Variants in NINL observed in about 807,000 individuals in gnomAD.
The protein encoded by NINL is ninein-like protein.
In NINL, 153 loss-of-function variants were observed where a neutral mutation model predicts 160.3. That is an observed-to-expected ratio of 0.95 (90% CI 0.84 to 1.09). The LOEUF (loss-of-function observed/expected upper bound fraction) is 1.09. Ranked by LOEUF, NINL falls within the 50% of genes least tolerant of loss-of-function variation. The pLI, the probability that NINL is intolerant of heterozygous loss-of-function variation, is 0.00. For synonymous variants in NINL, 800 were observed against 734.8 expected (o/e 1.09, Z -1.43); for missense variants, 1,829 against 1,764.0 (o/e 1.04, Z -0.66).
intron 1 of NINL, among the ~76,000 whole-genome samples, chr20:25,573,916 A>G (rs1463568784): frequency 6.6e-6 from 1 of 152,188 alleles, no homozygotes; most frequent in Non-Finnish European, 1.5e-5. Flanking sequence ...AGCCTGTTCC[A>G]TACAGCACAC....
intron 1 of NINL, among the ~76,000 whole-genome samples, chr20:25,535,071 A>T (rs1411654067): frequency 6.6e-6 from 1 of 152,228 alleles, no homozygotes; most frequent in Non-Finnish European, 1.5e-5. Flanking sequence ...GTACAATGAA[A>T]TATTATTACA....
intron 23 of NINL, among the ~76,000 whole-genome samples, chr20:25,454,779 C>T (rs1246818502): frequency 6.6e-6 from 1 of 152,170 alleles, no homozygotes. Context: ...CACGTCAGTT[C>T]CCACCTGCTG....
chr20:25,565,065 T>C (rs2064985411), intron 1 of NINL, among the ~76,000 whole-genome samples: 2 of 152,170 alleles, frequency 1.3e-5, no homozygotes, highest in African/African-American at 4.8e-5. Flanking sequence ...TGACATACTT[T>C]CATAAGTTTT....
At chr20:25,585,097 C>T (rs1211820974) in intron 1 of NINL, among the ~76,000 whole-genome samples, 2 of 152,136 alleles carry the variant, frequency 1.3e-5, no homozygotes, top group Non-Finnish European at 2.9e-5. Context: ...CTCATTACCA[C>T]GGGGGGCCCC....
At chr20:25,560,997 C>T (rs2064927215) in intron 1 of NINL, among the ~76,000 whole-genome samples, 1 of 151,436 alleles carries the variant, frequency 6.6e-6, no homozygotes, top group Non-Finnish European at 1.5e-5. Context: ...CCTCCTCTCC[C>T]TCTCCCTCTC....
chr20:25,507,363 C>T (rs1336279049), intron 5 of NINL, among the ~76,000 whole-genome samples: 2 of 152,106 alleles, frequency 1.3e-5, no homozygotes, highest in Non-Finnish European at 2.9e-5. Context: ...TTTTCCTAAC[C>T]TTTGTCTTCA....
Position 25,496,755 on chromosome 20 carries a change from G to A in NINL, c.1218C>T (p.Asp406=), listed in dbSNP as rs1394189133. The change falls in exon 10 of 24, where the codon GAC becomes GAT. Residue 406 remains aspartate, a synonymous_variant. Transcript: ENST00000278886. The part of the protein sequence containing the change: ...LARERDKARQ[D]LERAEKRNLE... ...GGTTCCTCTTCTCGGCCCTCTCCAGGTCCTGCCTTGCCTTGTCACGCTCCC... is the reference window on the plus strand; with the variant it reads ...GGTTCCTCTTCTCGGCCCTCTCCAGATCCTGCCTTGCCTTGTCACGCTCCC... 12 of 1,613,830 alleles carry A rather than the reference G, an allele frequency of 7.4e-6. No homozygotes were observed. The highest frequency in any genetic ancestry group is 1.3e-5 in the African/African-American group (1 of 74,872).
At chr20:25,528,948 C>T (rs1415259990) in intron 1 of NINL, among the ~76,000 whole-genome samples, 1 of 152,216 alleles carries the variant, frequency 6.6e-6, no homozygotes, top group East Asian at 1.9e-4. Context: ...ATAGATGTCG[C>T]TTTAATGTGG....
intron 1 of NINL, among the ~76,000 whole-genome samples, chr20:25,532,544 C>T (rs2064483670): frequency 6.6e-6 from 1 of 152,228 alleles, no homozygotes; most frequent in African/African-American, 2.4e-5. Flanking sequence ...CCCACCACTT[C>T]TCAAGGCTGC....
chr20:25,540,306 A>T (rs1020125382), intron 1 of NINL, among the ~76,000 whole-genome samples: 9 of 152,222 alleles, frequency 5.9e-5, no homozygotes, highest in Non-Finnish European at 8.8e-5. Flanking sequence ...AGTGAAAGAA[A>T]ATCCTGTTTT....
chr20:25,454,866 A>C (rs1186745127), intron 23 of NINL, among the ~76,000 whole-genome samples: 1 of 152,144 alleles, frequency 6.6e-6, no homozygotes, highest in Non-Finnish European at 1.5e-5. Context: ...CAGTAGCCCA[A>C]GTGACTTTTT....
At chr20:25,539,961 C>G in intron 1 of NINL, 1 of 1,168,506 alleles carries the variant, frequency 8.6e-7, no homozygotes. Flanking sequence ...CCCAGGCCTG[C>G]GCAGGCGCCT....
intron 23 of NINL, among the ~76,000 whole-genome samples, chr20:25,454,851 C>G (rs1175022845): frequency 6.6e-6 from 1 of 152,156 alleles, no homozygotes; most frequent in Non-Finnish European, 1.5e-5. Context: ...GGTCTTTGCT[C>G]CTTACAGTAG....
chr20:25,530,112 T>C (rs937398128), intron 1 of NINL, among the ~76,000 whole-genome samples: 1 of 152,190 alleles, frequency 6.6e-6, no homozygotes, highest in Admixed American at 6.5e-5. Context: ...ATTTAAAGCA[T>C]ATAAAATAAA....
At chr20:25,515,797 G>C (rs898682972) in intron 3 of NINL, among the ~76,000 whole-genome samples, 1 of 152,020 alleles carries the variant, frequency 6.6e-6, no homozygotes, top group African/African-American at 2.4e-5. Flanking sequence ...TTGAGACAGA[G>C]TCTCTCTCTG....
chr20:25,462,906 C>T (rs1249021520), intron 19 of NINL, among the ~76,000 whole-genome samples: 1 of 152,202 alleles, frequency 6.6e-6, no homozygotes, highest in Non-Finnish European at 1.5e-5. Context: ...CTTCCCATCT[C>T]AGCCTCCCAA....
At chr20:25,458,301 CT>C in intron 22 of NINL, 81 bp downstream of exon 22, 6 of 1,551,492 alleles carry the variant, frequency 3.9e-6, no homozygotes, top group Non-Finnish European at 5.3e-6. Context: ...AGTTGTGCAG[CT>C]TCTGGGTAAC....
At chr20:25,455,884 G>C in intron 22 of NINL, 98 bp from the exon 23 acceptor site, 1 of 901,920 alleles carries the variant, frequency 1.1e-6, no homozygotes, top group Non-Finnish European at 1.8e-6. Context: ...CCTGAGGTCA[G>C]GAGTTTGAGA....
intron 18 of NINL, among the ~76,000 whole-genome samples, chr20:25,469,300 C>T (rs2063027441): frequency 7.0e-6 from 1 of 143,036 alleles, no homozygotes; most frequent in South Asian, 2.4e-4. Context: ...CGCCCCACTG[C>T]CCTGTCCCCC....
Sources: allele counts gnomAD v4.1 joint callset (sites outside exome capture counted in the v4.1 genomes callset), GRCh38; gene constraint gnomAD v4.1.1; transcripts MANE v1.5; gene names NCBI Gene and HGNC (gene_info 2026-07-23, HGNC 2026-07-21).